The following RTN4 variants were observed in gnomAD, a reference collection of about 807,000 sequenced individuals.
The protein encoded by RTN4 is reticulon 4.
A neutral mutation model predicts 90.4 loss-of-function variants in RTN4; 32 were observed. The ratio of observed to expected loss-of-function variants is 0.35; its 90% CI spans 0.27 to 0.48. The LOEUF is 0.48. RTN4 is among the 20% of genes least tolerant of loss of function. The pLI, the probability that RTN4 is intolerant of heterozygous loss-of-function variation, is 0.99. For synonymous variants in RTN4, 629 were observed against 552.5 expected (o/e 1.14, Z -1.94); for missense variants, 1,706 against 1,430.2 (o/e 1.19, Z -3.11).
intron 3 of RTN4, among the ~76,000 whole-genome samples, chr2:55,024,665 T>C (rs1442201385): frequency 6.6e-6 from 1 of 152,102 alleles, no homozygotes; most frequent in Non-Finnish European, 1.5e-5. Context: ...TATAGAAATA[T>C]TTAAAACATA....
At chr2:55,001,926 T>C (rs1316909126) in intron 3 of RTN4, among the ~76,000 whole-genome samples, 1 of 152,202 alleles carries the variant, frequency 6.6e-6, no homozygotes, top group Non-Finnish European at 1.5e-5. Flanking sequence ...TCATCCTCTA[T>C]GTATTCTAAA....
upstream of RTN4, among the ~76,000 whole-genome samples, chr2:55,054,993 T>C (rs1388305271): frequency 6.6e-6 from 1 of 152,148 alleles, no homozygotes; most frequent in South Asian, 2.1e-4. Flanking sequence ...TCAGTCATGT[T>C]AGTTAAGCAT....
chr2:55,013,631 G>C (rs1281543547), intron 3 of RTN4, among the ~76,000 whole-genome samples: 1 of 125,660 alleles, frequency 8.0e-6, no homozygotes, highest in Non-Finnish European at 1.7e-5. Flanking sequence ...GGGTGTAGGG[G>C]GGGTGGTATC....
At position 55,049,881 on chromosome 2, in the gene RTN4, C is replaced by A; in HGVS notation, c.420G>T (p.Pro140=). Residue 140 remains proline, a synonymous_variant, in exon 1 of 9, where the codon CCG becomes CCT. Coordinates refer to ENST00000337526, the MANE Select transcript of RTN4 (RefSeq NM_020532.5). Reference sequence around the variant, plus strand: ...CCGGGGGAGGAGGGGGAGGCCGGGCCGGAGGCTCGTCGTCCTCAGGGAGCT... The same window carrying A: ...CCGGGGGAGGAGGGGGAGGCCGGGCAGGAGGCTCGTCGTCCTCAGGGAGCT... ...PSKLPEDDEP[P]ARPPPPPPAS... 1 of 1,319,770 alleles carries A rather than the reference C, an allele frequency of 7.6e-7. No individual in the cohort carries two copies. Among genetic ancestry groups the A allele is most frequent in the Non-Finnish European group, 9.6e-7 (1 of 1,038,636 alleles). 81.8% of individuals were successfully genotyped at this position (1,319,770 alleles called of 1,614,324 possible).
intron 2 of RTN4, among the ~76,000 whole-genome samples, chr2:55,061,721 A>C (rs1309876638): frequency 6.6e-6 from 1 of 152,174 alleles, no homozygotes; most frequent in Non-Finnish European, 1.5e-5. Context: ...AGCTGAAATT[A>C]TGTTATGACA....
chr2:55,110,063 T>C (rs1489729179), intron 1 of RTN4, among the ~76,000 whole-genome samples: 2 of 152,170 alleles, frequency 1.3e-5, no homozygotes, highest in African/African-American at 2.4e-5. Flanking sequence ...AATCCCAGCA[T>C]TGTGGGAAGT....
At chr2:55,043,691 G>A (rs1300648842) in intron 1 of RTN4, among the ~76,000 whole-genome samples, 1 of 152,094 alleles carries the variant, frequency 6.6e-6, no homozygotes, top group African/African-American at 2.4e-5. Flanking sequence ...TTCAAGACCA[G>A]CCTGGCCAAC....
At chr2:55,050,674 G>C (rs1300311196), upstream of RTN4, 3 of 172,648 alleles carry the variant, frequency 1.7e-5, no homozygotes, top group African/African-American at 7.1e-5. This position sits in a 1 kb window ranked among gnomAD's most constrained non-coding sequence, Gnocchi z 4.6. Flanking sequence ...GAAAGGGAAG[G>C]AGATGAAAGT....
intron 3 of RTN4, among the ~76,000 whole-genome samples, chr2:54,992,594 G>A (rs1401754505): frequency 6.6e-6 from 1 of 151,878 alleles, no homozygotes; most frequent in Non-Finnish European, 1.5e-5. Flanking sequence ...TTAAGTTGTT[G>A]AAAAATGACT....
chr2:55,011,503 T>C (rs1048629013), intron 3 of RTN4, among the ~76,000 whole-genome samples: 2 of 152,170 alleles, frequency 1.3e-5, no homozygotes, highest in Non-Finnish European at 2.9e-5. Context: ...TCAGCTAAAA[T>C]ATTTTAAAAT....
chr2:55,040,997 CT>C (rs1206553429), intron 1 of RTN4, among the ~76,000 whole-genome samples: 2 of 106,208 alleles, frequency 1.9e-5, no homozygotes, highest in African/African-American at 8.2e-5. Flanking sequence ...AAAGAGACTG[CT>C]TTAAAAAAAA....
Position 55,078,811 on chromosome 2 carries a change from G to A in RTN4, c.-63+1678C>T, listed in dbSNP as rs1668650933. ...GAAATTTGAGGTTACTAAGAGAGAGGTAGATTTTGAATATGTGGGTGTTTG... is the reference window on the plus strand; with the variant it reads ...GAAATTTGAGGTTACTAAGAGAGAGATAGATTTTGAATATGTGGGTGTTTG... On this transcript the variant is annotated intron_variant, in intron 2 of 3. Coordinates refer to the RTN4 transcript ENST00000427710. Among the ~76,000 whole-genome samples the A allele has an allele frequency of 2.0e-5, 3 of 152,128 alleles. No homozygotes were observed. In the South Asian group the frequency reaches 6.2e-4, roughly 32 times the overall value.
At chr2:55,017,319 ATTCTTATTCATGAACATATGTAAG>A (rs1382879860) in intron 3 of RTN4, among the ~76,000 whole-genome samples, 1 of 152,192 alleles carries the variant, frequency 6.6e-6, no homozygotes, top group East Asian at 1.9e-4. Context: ...TATCAAAACA[ATTCTTATTCATGAACATATGTAAG>A]TTCTTATTCA....
At chr2:55,016,625 C>T (rs1023645124) in intron 3 of RTN4, among the ~76,000 whole-genome samples, 1 of 151,986 alleles carries the variant, frequency 6.6e-6, no homozygotes, top group Non-Finnish European at 1.5e-5. Flanking sequence ...TGAAAGTAGA[C>T]TAGAATAATA....
chr2:55,002,962 T>G (rs925757043), intron 3 of RTN4, among the ~76,000 whole-genome samples: 4 of 152,186 alleles, frequency 2.6e-5, no homozygotes, highest in African/African-American at 9.7e-5. Flanking sequence ...TAGTTTAAAT[T>G]TTCCTTCTTG....
intron 3 of RTN4, among the ~76,000 whole-genome samples, chr2:54,991,225 T>TA (rs910300957): frequency 1.3e-5 from 2 of 152,204 alleles, no homozygotes; most frequent in African/African-American, 4.8e-5. Context: ...TTACCATCAT[T>TA]AAAAACTACT....
intron 2 of RTN4, among the ~76,000 whole-genome samples, chr2:55,058,828 T>G (rs1668237194): frequency 6.6e-6 from 1 of 152,064 alleles, no homozygotes; most frequent in African/African-American, 2.4e-5. Flanking sequence ...CAGTCAAAAA[T>G]GCAATTCTGG....
intron 1 of RTN4, among the ~76,000 whole-genome samples, chr2:55,032,222 G>A (rs371515955): frequency 2.6e-5 from 4 of 151,918 alleles, no homozygotes; most frequent in African/African-American, 9.7e-5. Context: ...TGGGATTACA[G>A]GTGTCTGCCA....
At chr2:55,055,382 G>A (rs1274491491), upstream of RTN4, among the ~76,000 whole-genome samples, 1 of 152,068 alleles carries the variant, frequency 6.6e-6, no homozygotes, top group African/African-American at 2.4e-5. Context: ...CTTAAAGGTT[G>A]AAGTGTAAGT....
Sources: allele counts gnomAD v4.1 joint callset (sites outside exome capture counted in the v4.1 genomes callset), GRCh38; gene constraint gnomAD v4.1.1; non-coding constraint Gnocchi (gnomAD v3.1); transcripts MANE v1.5; gene names NCBI Gene and HGNC (gene_info 2026-07-23, HGNC 2026-07-21).